B3GALT1: variants seen among roughly 807,000 people sequenced by gnomAD.
B3GALT1 encodes beta-1,3-galactosyltransferase 1.
A neutral mutation model predicts 23.2 loss-of-function variants in B3GALT1; 10 were observed. That is an observed-to-expected ratio of 0.43 (90% CI 0.27 to 0.73). The LOEUF (loss-of-function observed/expected upper bound fraction) is 0.73. Ranked by LOEUF, B3GALT1 falls within the 30% of genes least tolerant of loss-of-function variation. The pLI is 0.21. For missense variants in B3GALT1, 299 were observed against 405.4 expected, an observed-to-expected ratio of 0.74 and a Z score of 2.25; for synonymous variants, 156 against 141.5, an observed-to-expected ratio of 1.10 and a Z score of -0.73.
intron 1 of B3GALT1, among the ~76,000 whole-genome samples, chr2:167,482,296 A>T (rs1159781833): frequency 6.6e-6 from 1 of 152,242 alleles, no homozygotes; most frequent in Non-Finnish European, 1.5e-5. Flanking sequence ...AATCTCCATT[A>T]TGTCTAGGTT....
rs1491288434 is a variant in B3GALT1, at chr2:167,512,621, CGT to C, written c.-410+22347_-410+22348del. Among the ~76,000 whole-genome samples, 109 of 37,530 alleles carry C rather than the reference CGT, an allele frequency of 2.9e-3. 3 individuals carry two copies. In the East Asian group the frequency reaches 0.14, roughly 47 times the overall value. The allele number at this position is 37,530 out of a possible 152,430, so 24.6% of individuals were successfully genotyped here. ...ATATATATATATGTATATATATATA[CGT>C]GTATATATATATACATATATATATA... On this transcript the variant is annotated intron_variant, in intron 2 of 4. Transcript: ENST00000392690.
intron 3 of B3GALT1, among the ~76,000 whole-genome samples, chr2:167,809,905 G>C (rs180938244): frequency 0.033 from 5,012 of 152,260 alleles, 119 homozygotes; most frequent in South Asian, 0.069. Flanking sequence ...AGGCAGGCAG[G>C]CCTCCTTGAG....
chr2:167,808,309 G>A (rs1403915294), intron 3 of B3GALT1, among the ~76,000 whole-genome samples: 1 of 151,318 alleles, frequency 6.6e-6, no homozygotes, highest in South Asian at 2.1e-4. Context: ...TACCTTTAAG[G>A]TTAATATTGT....
intron 3 of B3GALT1, among the ~76,000 whole-genome samples, chr2:167,712,359 G>T (rs1156595080): frequency 2.0e-5 from 3 of 151,730 alleles, no homozygotes; most frequent in African/African-American, 7.3e-5. Context: ...TGTGATTAGT[G>T]TTGGATGAAG....
At chr2:167,650,064 A>C (rs73015475) in intron 3 of B3GALT1, among the ~76,000 whole-genome samples, 9,427 of 151,874 alleles carry the variant, frequency 0.062, 1,012 homozygotes, top group African/African-American at 0.22. Flanking sequence ...TCATAAATGC[A>C]CTTTATGTGC....
chr2:167,851,052 A>G (rs955643698), intron 4 of B3GALT1, among the ~76,000 whole-genome samples: 9 of 152,290 alleles, frequency 5.9e-5, no homozygotes, highest in African/African-American at 1.7e-4. Context: ...AATAGTGCCT[A>G]TATATACTTG....
intron 4 of B3GALT1, among the ~76,000 whole-genome samples, chr2:167,858,902 G>C (rs1441164182): frequency 6.6e-6 from 1 of 152,066 alleles, no homozygotes; most frequent in East Asian, 1.9e-4. Context: ...TCTGTGGTGA[G>C]CTGAGAAATA....
intron 3 of B3GALT1, among the ~76,000 whole-genome samples, chr2:167,771,378 T>C (rs979448887): frequency 1.4e-4 from 22 of 152,102 alleles, no homozygotes; most frequent in African/African-American, 5.3e-4. Flanking sequence ...TCACTTGAGG[T>C]CAACAGTTTG....
chr2:167,545,957 C>CATCT (rs750212808), intron 2 of B3GALT1, among the ~76,000 whole-genome samples: 4 of 152,146 alleles, frequency 2.6e-5, no homozygotes, highest in Non-Finnish European at 2.9e-5. Flanking sequence ...GTTTCATATA[C>CATCT]ATCTTATATA....
intron 3 of B3GALT1, chr2:167,715,202 T>C: frequency 6.2e-7 from 1 of 1,614,014 alleles, no homozygotes; most frequent in East Asian, 2.2e-5. Context: ...CAAGTTATCA[T>C]CATCCGTTGT....
At chr2:167,364,465 T>C (rs568879582) in intron 1 of B3GALT1, among the ~76,000 whole-genome samples, 56 of 152,152 alleles carry the variant, frequency 3.7e-4, no homozygotes, top group African/African-American at 1.3e-3. Context: ...CATAGGTATA[T>C]CTCCTAATGC....
At chr2:167,716,881 T>G (rs921397452) in intron 3 of B3GALT1, among the ~76,000 whole-genome samples, 11 of 152,208 alleles carry the variant, frequency 7.2e-5, no homozygotes, top group Admixed American at 2.0e-4. Context: ...TTCCTTTATA[T>G]ATACATTATC....
intron 2 of B3GALT1, among the ~76,000 whole-genome samples, chr2:167,560,898 G>A (rs1326109998): frequency 1.3e-5 from 2 of 151,674 alleles, no homozygotes; most frequent in African/African-American, 2.4e-5. Flanking sequence ...ACAGATCAAC[G>A]AGACAGAAAG....
At chr2:167,855,366 T>A (rs139048695) in intron 4 of B3GALT1, among the ~76,000 whole-genome samples, 1 of 152,312 alleles carries the variant, frequency 6.6e-6, no homozygotes, top group East Asian at 1.9e-4. Flanking sequence ...TATGTAAAGC[T>A]GGGGCAAGTT....
chr2:167,492,261 T>C (rs1416806710), intron 2 of B3GALT1, among the ~76,000 whole-genome samples: 2 of 152,230 alleles, frequency 1.3e-5, no homozygotes. Context: ...TGGCTTCTTT[T>C]ACAAAGCAGT....
chr2:167,817,052 T>G (rs569468815), intron 3 of B3GALT1, among the ~76,000 whole-genome samples: 1 of 152,202 alleles, frequency 6.6e-6, no homozygotes, highest in African/African-American at 2.4e-5. Flanking sequence ...TTTGGCCAAA[T>G]AGACGTGCTC....
chr2:167,583,421 CCTCT>C (rs922677669), intron 2 of B3GALT1, among the ~76,000 whole-genome samples: 17 of 152,032 alleles, frequency 1.1e-4, no homozygotes, highest in Admixed American at 2.6e-4. Context: ...ATTTTTTCTC[CCTCT>C]CTCCCTTTTT....
chr2:167,505,865 G>C (rs999926142), intron 2 of B3GALT1, among the ~76,000 whole-genome samples: 1 of 152,024 alleles, frequency 6.6e-6, no homozygotes, highest in Non-Finnish European at 1.5e-5. Context: ...TTCGAGACCA[G>C]CCTGCCCAAC....
At chr2:167,829,983 GGCAAAA>G (rs1383924395) in intron 4 of B3GALT1, among the ~76,000 whole-genome samples, 1 of 152,162 alleles carries the variant, frequency 6.6e-6, no homozygotes, top group African/African-American at 2.4e-5. Flanking sequence ...GAGAGGAAAA[GGCAAAA>G]GAAATGTCTA....
Sources: allele counts gnomAD v4.1 joint callset (sites outside exome capture counted in the v4.1 genomes callset), GRCh38; gene constraint gnomAD v4.1.1; transcripts MANE v1.5; gene names NCBI Gene and HGNC (gene_info 2026-07-23, HGNC 2026-07-21).